The following ATM variants were observed in gnomAD, a reference collection of about 807,000 sequenced individuals.
ATM encodes ATM serine/threonine kinase, also known as serine-protein kinase ATM.
Under a neutral mutation model 387.0 loss-of-function variants are expected in ATM, and 308 were observed. The observed-to-expected ratio is 0.80, with a 90% CI of 0.73 to 0.87. The LOEUF (loss-of-function observed/expected upper bound fraction) is 0.87, where lower values mean the gene tolerates loss of function less well. Among genes scored for constraint, ATM ranks in the 40% least tolerant of loss-of-function variants. The pLI is 0.00. For missense variants in ATM, 3,312 were observed against 3,560.9 expected (o/e 0.93, Z 1.78); for synonymous variants, 1,156 against 1,187.3 (o/e 0.97, Z 0.54).
At chr11:108,238,844 CTTT>C (rs1343246259) in intron 5 of ATM, among the ~76,000 whole-genome samples, 1 of 151,842 alleles carries the variant, frequency 6.6e-6, no homozygotes, top group African/African-American at 2.4e-5. Flanking sequence ...ATAATTTTAA[CTTT>C]TTTAAGTGTA....
chr11:108,326,007 A>G lies in ATM; in HGVS notation c.6808-51A>G, dbSNP rs1349317901. On this transcript the variant is annotated intron_variant, in intron 46 of 62. Coordinates refer to ENST00000675843, the MANE Select transcript of ATM (RefSeq NM_000051.4). ...TTTCATTATTATTATTATTCATGGTAGTAGTATCAGTAGTAAAAGTATTTA... is the reference window on the plus strand; with the variant it reads ...TTTCATTATTATTATTATTCATGGTGGTAGTATCAGTAGTAAAAGTATTTA... 12 of 1,576,180 alleles carry G rather than the reference A, an allele frequency of 7.6e-6. 1 individual carries two copies. Among genetic ancestry groups the G allele is most frequent in the Non-Finnish European group, 1.0e-5 (12 of 1,147,364 alleles).
chr11:108,331,677 G>T, intron 51 of ATM, 120 bp downstream of exon 51: 1 of 1,366,362 alleles, frequency 7.3e-7, no homozygotes, highest in Admixed American at 2.7e-5. Context: ...TGTATTTTTT[G>T]TCTTCTCACA....
chr11:108,280,952 ATTTACAT>A (rs1484242029), intron 23 of ATM, 36 bp from the exon 24 acceptor site: 1 of 1,544,616 alleles, frequency 6.5e-7, no homozygotes, highest in African/African-American at 1.4e-5. Flanking sequence ...ATTGTTAAAC[ATTTACAT>A]TTTACATTAC....
chr11:108,332,924 C>T (rs759278155), intron 53 of ATM, 24 bp downstream of exon 53: 17 of 1,605,110 alleles, frequency 1.1e-5, no homozygotes, highest in East Asian at 2.2e-5. Context: ...AAAGAAGAAA[C>T]GTTACTTTCT....
intron 29 of ATM, among the ~76,000 whole-genome samples, chr11:108,291,211 G>C (rs2082777054): frequency 6.6e-6 from 1 of 152,050 alleles, no homozygotes; most frequent in Non-Finnish European, 1.5e-5. Context: ...ACTCCAGCCT[G>C]GGCGACAGAG....
intron 27 of ATM, among the ~76,000 whole-genome samples, chr11:108,288,392 T>G (rs899924264): frequency 3.9e-5 from 6 of 152,114 alleles, no homozygotes; most frequent in African/African-American, 1.4e-4. Flanking sequence ...TTCTTTATTG[T>G]GCGTTATTAT....
At chr11:108,231,751 TTAG>T (rs1160630924) in intron 4 of ATM, among the ~76,000 whole-genome samples, 1 of 151,256 alleles carries the variant, frequency 6.6e-6, no homozygotes, top group African/African-American at 2.4e-5. Flanking sequence ...TGGTAAATAT[TTAG>T]TAGAAGTATG....
intron 55 of ATM, chr11:108,335,442 CATCAGT>C (rs2086735431): frequency 3.7e-6 from 2 of 538,236 alleles, no homozygotes; most frequent in African/African-American, 1.9e-5. Flanking sequence ...ACGTCCTTTG[CATCAGT>C]ATACCGGGTC....
In ATM at chr11:108,335,951, G is replaced by C. The variant is rs1284049490; in HGVS notation, c.8258G>C (p.Cys2753Ser). The C allele has an allele frequency of 6.2e-7, 1 of 1,606,960 alleles. No homozygotes were observed. Among genetic ancestry groups the C allele is most frequent in the Non-Finnish European group, 8.5e-7 (1 of 1,173,626 alleles). Residue 2753 changes from cysteine to serine, a missense_variant, in exon 56 of 63, where the codon TGT becomes TCT. Cys to Ser is a moderately radical substitution (Grantham distance 112, BLOSUM62 -1). Transcript: ENST00000675843. ...TETRKRKLTICTYKVVPLSQR... is the reference protein window; with the variant it reads ...TETRKRKLTISTYKVVPLSQR... The stretch of plus-strand genomic sequence containing the variant: ...ACTAGGAAGAGGAAATTAACTATCT[G>C]TACTTATAAGGTAACTATTTGTACT...
At chr11:108,293,877 CAA>C (rs33977155) in intron 31 of ATM, among the ~76,000 whole-genome samples, 3,474 of 105,742 alleles carry the variant, frequency 0.033, 86 homozygotes, top group African/African-American at 0.12. Flanking sequence ...GACCCTGTCT[CAA>C]AAAAAAAAAA....
Position 108,365,091 on chromosome 11 carries a change from T to C in ATM, c.8860T>C (p.Tyr2954His), listed in dbSNP as rs371619067. The change falls in exon 62 of 63, where the codon TAT (tyrosine) becomes CAT (histidine). Residue 2954 changes from tyrosine (Y) to histidine (H), a missense_variant. By Grantham distance (83) the Tyr-to-His change is moderately conservative. Around this residue, in one of 4 missense-constraint regions of ATM, gnomAD observed 21 missense variants for 51.6 expected, o/e 0.41. Coordinates refer to ENST00000675843, the MANE Select transcript of ATM (RefSeq NM_000051.4). ...TGTTCTCTCTGTTTAGGTCCTTCTATATGATCCACTCTTTGACTGGACCAT... is the reference window on the plus strand; with the variant it reads ...TGTTCTCTCTGTTTAGGTCCTTCTACATGATCCACTCTTTGACTGGACCAT... ...TLLTIVEVLL[Y>H]DPLFDWTMNP... 6 of 1,614,156 alleles carry C rather than the reference T, an allele frequency of 3.7e-6. No individual in the cohort carries two copies. Among genetic ancestry groups the C allele is most frequent in the Non-Finnish European group, 5.1e-6 (6 of 1,179,968 alleles).
intron 40 of ATM, among the ~76,000 whole-genome samples, chr11:108,313,881 A>T (rs1565495924): frequency 2.0e-5 from 3 of 151,834 alleles, no homozygotes; most frequent in Admixed American, 1.3e-4. Context: ...TTTCTATTTT[A>T]TTTTTTTTAT....
rs567730651 is a variant in ATM at position 108,368,746 on chromosome 11, T to C, written c.*3238T>C. Reference sequence around the variant, plus strand: ...AGATAATAGCTTTCCCACCCTACTTTGTGCAGGTCATACCTCCCCAAAGTG... The same window carrying C: ...AGATAATAGCTTTCCCACCCTACTTCGTGCAGGTCATACCTCCCCAAAGTG... On this transcript the variant is annotated 3_prime_UTR_variant, in exon 63 of 63. Coordinates refer to ENST00000675843, the MANE Select transcript of ATM (RefSeq NM_000051.4). The C allele has an allele frequency of 1.4e-5, 3 of 212,832 alleles. No individual in the cohort carries two copies. The highest frequency in any genetic ancestry group is 6.8e-5 in the African/African-American group (3 of 44,346). The allele number at this position is 212,832 out of a possible 1,614,324, so 13.2% of individuals were successfully genotyped here.
rs1196903858 is a variant in ATM, at chr11:108,332,848, T to G, written c.7875T>G (p.Asp2625Glu). The change falls in exon 53 of 63, where the codon GAT (aspartate) becomes GAG (glutamate). Residue 2625 changes from aspartate (D) to glutamate (E), a missense_variant. Around this residue, in one of 4 missense-constraint regions of ATM, gnomAD observed 1,405 missense variants for 1,604.4 expected, o/e 0.88. Transcript: ENST00000675843. The stretch of plus-strand genomic sequence containing the variant: ...TCAGAAGTGTTGAGGCACTTTGTGA[T>G]GCTTATATTATATTAGCAAACTTAG... ...QMVRSVEALC[D>E]AYIILANLDA... is the part of the protein sequence containing the mutation. The G allele has an allele frequency of 6.8e-6, 11 of 1,613,262 alleles. No homozygotes were observed. Among genetic ancestry groups the G allele is most frequent in the Non-Finnish European group, 9.3e-6 (11 of 1,179,706 alleles).
chr11:108,301,547 C>G, intron 34 of ATM, 101 bp from the exon 35 acceptor site: 1 of 1,439,508 alleles, frequency 6.9e-7, no homozygotes, highest in Non-Finnish European at 9.7e-7. Flanking sequence ...TTTCCTAATA[C>G]AAATTTTAAA....
intron 29 of ATM, chr11:108,290,556 A>G: frequency 6.7e-6 from 1 of 149,380 alleles, no homozygotes; most frequent in East Asian, 2.0e-4. Flanking sequence ...GCTTGCGCTC[A>G]GGAGGCAGAG....
intron 36 of ATM, among the ~76,000 whole-genome samples, chr11:108,303,272 A>G (rs1316660308): frequency 6.6e-6 from 1 of 152,180 alleles, no homozygotes; most frequent in Non-Finnish European, 1.5e-5. Context: ...TAGTTAAAAT[A>G]CTGCTGATTA....
Position 108,268,511 on chromosome 11 carries a change from A to T in ATM, c.2740A>T (p.Asn914Tyr), listed in dbSNP as rs1591594250. Residue 914 changes from asparagine (N) to tyrosine (Y), a missense_variant, in exon 18 of 63, where the codon AAT becomes TAT. This residue lies in a region of ATM where 1,791 missense variants were observed against 1,804.5 expected (regional missense o/e 0.99). Transcript: ENST00000675843. ...LCLCVTTAQT[N>Y]TVSFRAADIR... ...TTTGTGTGTAACTACTGCTCAGACC[A>T]ATACTGTGTCCTTTAGGGCAGCTGA... is the stretch of plus-strand genomic sequence containing the variant. The T allele has an allele frequency of 6.2e-7, 1 of 1,614,118 alleles. No homozygotes were observed. Among genetic ancestry groups the T allele is most frequent in the Non-Finnish European group, 8.5e-7 (1 of 1,179,996 alleles).
chr11:108,305,000 T>G, intron 37 of ATM, 148 bp downstream of exon 37: 1 of 934,720 alleles, frequency 1.1e-6, no homozygotes, highest in Non-Finnish European at 1.6e-6. Context: ...AGATAAAAGT[T>G]GCCAACAGTT....
Sources: gnomAD v4.1 joint callset for allele counts (sites outside exome capture counted in the v4.1 genomes callset) on GRCh38, gnomAD v4.1.1 for gene constraint, gnomAD v4.1.1 regional missense constraint, MANE v1.5 for transcripts, NCBI Gene and HGNC (gene_info 2026-07-23, HGNC 2026-07-21) for gene names.